CROCC: variants seen among roughly 807,000 people sequenced by gnomAD.
CROCC encodes the protein rootletin.
CROCC carries 180 observed loss-of-function variants against 245.2 expected under a neutral mutation model. The ratio of observed to expected loss-of-function variants is 0.73; its 90% CI spans 0.65 to 0.83. CROCC has a LOEUF of 0.83. Among genes scored for constraint, CROCC ranks in the 40% least tolerant of loss-of-function variants. The pLI, the probability that CROCC is intolerant of heterozygous loss-of-function variation, is 0.00. For missense variants in CROCC, 2,688 were observed against 2,779.4 expected, an observed-to-expected ratio of 0.97 and a Z score of 0.74; for synonymous variants, 1,205 against 1,241.6, an observed-to-expected ratio of 0.97 and a Z score of 0.62.
intron 1 of CROCC, 36 bp downstream of exon 1, chr1:16,922,114 C>T (rs1475044427): frequency 1.6e-5 from 24 of 1,508,476 alleles, no homozygotes; most frequent in Middle Eastern, 1.7e-4. Context: ...CTGTCTGGGG[C>T]GGGGCAGCGT....
At chr1:16,939,786 T>G (rs2075882971) in intron 12 of CROCC, 108 bp from the exon 13 acceptor site, 5 of 1,370,252 alleles carry the variant, frequency 3.6e-6, no homozygotes, top group Non-Finnish European at 5.1e-6. Context: ...GTCCAGGCCC[T>G]GGACCCCGCC....
chr1:16,927,759 C>T (rs1297664661), intron 3 of CROCC, among the ~76,000 whole-genome samples: 2 of 152,278 alleles, frequency 1.3e-5, no homozygotes, highest in Non-Finnish European at 2.9e-5. Flanking sequence ...GGACACCGCT[C>T]ACCATTGACC....
At chr1:16,949,231 G>A (rs1230749052) in intron 19 of CROCC, among the ~76,000 whole-genome samples, 4 of 152,374 alleles carry the variant, frequency 2.6e-5, no homozygotes, top group East Asian at 1.9e-4. Context: ...AGTAACTGCC[G>A]TTCATCGGTC....
rs1281148713 is a variant in CROCC, at chr1:16,930,044, C to G, written c.537+13C>G. On this transcript the variant is annotated intron_variant, in intron 4 of 36. Transcript: ENST00000375541. Reference sequence around the variant, plus strand: ...GCTGCAGGGCAAGGTCAGGACCACCCACTCCTGCTCCTGTCCTCCCACCTG... The same window carrying G: ...GCTGCAGGGCAAGGTCAGGACCACCGACTCCTGCTCCTGTCCTCCCACCTG... 1.3e-6 allele frequency: 2 copies of G among 1,567,588 alleles called. No individual in the cohort carries two copies. The highest frequency in any genetic ancestry group is 2.7e-5 in the African/African-American group (2 of 74,668).
upstream of CROCC, among the ~76,000 whole-genome samples, chr1:16,917,428 T>C (rs2075320219): frequency 6.6e-6 from 1 of 152,082 alleles, no homozygotes; most frequent in Non-Finnish European, 1.5e-5. Flanking sequence ...TTGAAACGAG[T>C]AATCTTTGAG....
At chr1:16,918,731 GT>G (rs1322555949), upstream of CROCC, among the ~76,000 whole-genome samples, 1 of 78,072 alleles carries the variant, frequency 1.3e-5, no homozygotes, top group East Asian at 3.8e-4. Flanking sequence ...GGCCGGTTTA[GT>G]TTTTTGTTTT....
Position 16,955,418 on chromosome 1 carries a change from G to A in CROCC, c.3572G>A (p.Arg1191Gln), listed in dbSNP as rs201760356. The A allele has an allele frequency of 1.4e-5, 22 of 1,601,676 alleles. No individual in the cohort carries two copies. The highest frequency in any genetic ancestry group is 6.7e-5 in the East Asian group (3 of 44,610). Residue 1191 changes from arginine (R) to glutamine (Q), a missense_variant, in exon 24 of 37, where the codon CGG (arginine) becomes CAG (glutamine). By Grantham distance (43) the Arg-to-Gln change is conservative. Around this residue, in one of 9 missense-constraint regions of CROCC, gnomAD observed 1,218 missense variants for 1,286.3 expected, o/e 0.95. Transcript: ENST00000375541. ...AAGCTGCGTGAGAGCCAGGAGGGCC[G>A]GGAGGTGCAGCGCCAGGAGGCAGGC... ...QRKLRESQEG[R>Q]EVQRQEAGEL...
chr1:16,917,140 C>T (rs1170567660), upstream of CROCC, among the ~76,000 whole-genome samples: 1 of 152,272 alleles, frequency 6.6e-6, no homozygotes, highest in African/African-American at 2.4e-5. Flanking sequence ...AAACAAAAAA[C>T]AAAAACCCTT....
upstream of CROCC, chr1:16,921,877 G>A (rs1436763315): frequency 7.5e-6 from 6 of 800,616 alleles, no homozygotes; most frequent in Middle Eastern, 2.8e-4. Context: ...CTCCCACCGC[G>A]GTGGTCACAT....
intron 2 of CROCC, 21 bp downstream of exon 2, chr1:16,922,819 C>T (rs566420802): frequency 1.4e-5 from 23 of 1,605,402 alleles, no homozygotes; most frequent in African/African-American, 5.3e-5. Flanking sequence ...CATCCGCTCC[C>T]CTCCACAAAC....
chr1:16,966,611 TGTGTACCCGA>T lies in CROCC; in HGVS notation c.4860+44_4860+53del. On this transcript the variant is annotated intron_variant, in intron 30 of 36. Transcript: ENST00000375541. The surrounding 1 kb of genome is among the most constrained non-coding windows in gnomAD (Gnocchi z 4.8). ...AGGGCCAGCGGGGCGACGGGGAATC[TGTGTACCCGA>T]GTGAGTGTCTAACTCTTATGTGTGT... The T allele has an allele frequency of 6.9e-7, 1 of 1,446,722 alleles. No homozygotes were observed. Among genetic ancestry groups the T allele is most frequent in the Non-Finnish European group, 9.1e-7 (1 of 1,102,338 alleles). The allele number at this position is 1,446,722 out of a possible 1,614,324, so 89.6% of individuals were successfully genotyped here. A position where few individuals can be genotyped will look rare whatever the true frequency, so the allele number is the denominator to read the frequency against.
chr1:16,930,373 G>A (rs746924649), intron 6 of CROCC, 26 bp downstream of exon 6: 1 of 1,611,266 alleles, frequency 6.2e-7, no homozygotes, highest in East Asian at 2.2e-5. Context: ...GGAGGGCCAG[G>A]GCTGGCAGGA....
chr1:16,956,806 C>A (rs960859583), intron 25 of CROCC, among the ~76,000 whole-genome samples: 1 of 151,958 alleles, frequency 6.6e-6, no homozygotes, highest in African/African-American at 2.4e-5. Context: ...AGCTGTAGTT[C>A]GCTGACCCGT....
chr1:16,939,064 C>A lies in CROCC; in HGVS notation c.1530C>A (p.Gly510=). 1 of 1,587,970 alleles carries A rather than the reference C, an allele frequency of 6.3e-7. No homozygotes were observed. The highest frequency in any genetic ancestry group is 8.5e-7 in the Non-Finnish European group (1 of 1,171,594). The change falls in exon 12 of 37, where the codon GGC becomes GGA. Residue 510 remains glycine, a synonymous_variant. Transcript: ENST00000375541. ...GCCGAGGCCGTTCACCCCGCCGAGG[C>A]CCCTCCCCGGCCTGCTCAGACTCCT... ...SPGRGRSPRR[G]PSPACSDSST...
upstream of CROCC, among the ~76,000 whole-genome samples, chr1:16,917,391 G>A (rs568711894): frequency 1.4e-4 from 22 of 152,384 alleles, no homozygotes; most frequent in East Asian, 3.3e-3. Context: ...TAACGAAGGG[G>A]TAAGCGGATA....
chr1:16,937,421 C>T (rs1291176568), intron 9 of CROCC, among the ~76,000 whole-genome samples: 1 of 152,234 alleles, frequency 6.6e-6, no homozygotes, highest in South Asian at 2.1e-4. Flanking sequence ...TCCTCAACTG[C>T]TTTCCCATGA....
rs1398904066 is a variant in CROCC at position 16,924,453 on chromosome 1, A to G, written c.325A>G (p.Ile109Val). 5 of 1,613,528 alleles carry G rather than the reference A, an allele frequency of 3.1e-6. No individual in the cohort carries two copies. Among genetic ancestry groups the G allele is most frequent in the Non-Finnish European group, 4.2e-6 (5 of 1,179,884 alleles). ...QSRAERDELA[I>V]KYNAVSERLE... ...CCGTGCCGAGCGCGATGAGCTCGCC[A>G]TTAAGTACAATGCGGTCAGCGAGAG... is the stretch of plus-strand genomic sequence containing the variant. Residue 109 changes from isoleucine to valine, a missense_variant, in exon 3 of 37, where the codon ATT becomes GTT. By Grantham distance (29) the Ile-to-Val change is conservative (BLOSUM62 3). This residue lies in a region of CROCC where 972 missense variants were observed against 895.3 expected (regional missense o/e 1.09). Transcript: ENST00000375541.
At position 16,957,727 on chromosome 1, in the gene CROCC, G is replaced by C. The variant is rs571955253; in HGVS notation, c.3865-856G>C. On this transcript the variant is annotated intron_variant, in intron 25 of 36. Coordinates refer to ENST00000375541, the MANE Select transcript of CROCC (RefSeq NM_014675.5). ...CCCAAAGTGCTGGGATTACAGGCAT[G>C]AGCCACGATGCCTGGCCCCCCCAAA... 2.0e-5 allele frequency among the ~76,000 whole-genome samples: 3 copies of C among 152,266 alleles called. No individual in the cohort carries two copies. In the South Asian group the frequency reaches 6.2e-4, roughly 32 times the overall value.
At position 16,966,376 on chromosome 1, in the gene CROCC, G is replaced by T; in HGVS notation, c.4697-32G>T. On this transcript the variant is annotated intron_variant, in intron 29 of 36. Coordinates refer to ENST00000375541, the MANE Select transcript of CROCC (RefSeq NM_014675.5). The surrounding 1 kb of genome is among the most constrained non-coding windows in gnomAD (Gnocchi z 4.8). The stretch of plus-strand genomic sequence containing the variant: ...GGTTTGGGTCTCGGGGCTGTGCTTG[G>T]CCATGCCTGACGGGGTGGGTGGTGG... 1.3e-6 allele frequency: 2 copies of T among 1,498,992 alleles called. No homozygotes were observed. The highest frequency in any genetic ancestry group is 1.8e-6 in the Non-Finnish European group (2 of 1,123,994). The allele number at this position is 1,498,992 out of a possible 1,614,324, so 92.9% of individuals were successfully genotyped here. A position where few individuals can be genotyped will look rare whatever the true frequency, so the allele number is the denominator to read the frequency against.
Sources: allele counts gnomAD v4.1 joint callset (sites outside exome capture counted in the v4.1 genomes callset), GRCh38; gene constraint gnomAD v4.1.1; regional missense constraint gnomAD v4.1.1; non-coding constraint Gnocchi (gnomAD v3.1); transcripts MANE v1.5; gene names NCBI Gene and HGNC (gene_info 2026-07-23, HGNC 2026-07-21).